Variants in MECOM observed in about 807,000 individuals in gnomAD.
The protein encoded by MECOM is histone-lysine N-methyltransferase MECOM.
Under a neutral mutation model 116.3 loss-of-function variants are expected in MECOM, and 13 were observed. That is an observed-to-expected ratio of 0.11 (90% CI 0.07 to 0.18). The LOEUF (loss-of-function observed/expected upper bound fraction) is 0.18. Ranked by LOEUF, MECOM falls within the 10% of genes least tolerant of loss-of-function variation. The pLI is 1.00. For synonymous variants in MECOM, 528 were observed against 535.2 expected (o/e 0.99, Z 0.19); for missense variants, 1,299 against 1,509.0 (o/e 0.86, Z 2.31).
chr3:169,130,316 T>A (rs1239038744), intron 4 of MECOM, among the ~76,000 whole-genome samples: 1 of 152,204 alleles, frequency 6.6e-6, no homozygotes, highest in Non-Finnish European at 1.5e-5. Flanking sequence ...TAAGAACTCC[T>A]TGCTGCCGAA....
intron 16 of MECOM, among the ~76,000 whole-genome samples, chr3:169,087,284 T>G (rs1718099353): frequency 6.6e-6 from 1 of 152,088 alleles, no homozygotes; most frequent in Admixed American, 6.6e-5. Context: ...GTGGACTAAT[T>G]AAAAGAAATT....
intron 2 of MECOM, among the ~76,000 whole-genome samples, chr3:169,176,472 T>C (rs1298405974): frequency 6.6e-6 from 1 of 152,134 alleles, no homozygotes; most frequent in African/African-American, 2.4e-5. Context: ...TAACTCAAGA[T>C]GGATTAGAGA....
chr3:169,658,138 G>T (rs1378723153), intron 1 of MECOM, among the ~76,000 whole-genome samples: 1 of 152,188 alleles, frequency 6.6e-6, no homozygotes, highest in Non-Finnish European at 1.5e-5. Flanking sequence ...CTAGTGGAGT[G>T]GGGAAGTCGG....
intron 2 of MECOM, among the ~76,000 whole-genome samples, chr3:169,239,124 C>T (rs1341904818): frequency 6.6e-6 from 1 of 151,960 alleles, no homozygotes; most frequent in Non-Finnish European, 1.5e-5. Context: ...ATCACAAAAC[C>T]CTAATTTTCT....
intron 1 of MECOM, among the ~76,000 whole-genome samples, chr3:169,570,100 A>C (rs1763699448): frequency 6.6e-6 from 1 of 152,204 alleles, no homozygotes; most frequent in Non-Finnish European, 1.5e-5. Flanking sequence ...CAGACTAATA[A>C]AGCAGAAAAG....
chr3:169,594,985 G>T (rs968959481), intron 1 of MECOM, among the ~76,000 whole-genome samples: 2 of 151,088 alleles, frequency 1.3e-5, no homozygotes, highest in African/African-American at 2.4e-5. Flanking sequence ...TAAGTGAATT[G>T]GTTGATTTAA....
intron 2 of MECOM, among the ~76,000 whole-genome samples, chr3:169,155,637 C>A (rs1406345235): frequency 6.6e-6 from 1 of 152,140 alleles, no homozygotes; most frequent in Admixed American, 6.6e-5. Context: ...CAATGGATCC[C>A]AATTTGCTAG....
chr3:169,426,431 C>A (rs73879067), intron 1 of MECOM, among the ~76,000 whole-genome samples: 3,551 of 152,224 alleles, frequency 0.023, 134 homozygotes, highest in African/African-American at 0.081. Flanking sequence ...GGAAAAGGAA[C>A]CTCTGATGCT....
At chr3:169,515,535 T>C (rs2109049035) in intron 1 of MECOM, among the ~76,000 whole-genome samples, 1 of 152,318 alleles carries the variant, frequency 6.6e-6, no homozygotes, top group African/African-American at 2.4e-5. Flanking sequence ...GAATTTTTTT[T>C]CACCATACCA....
intron 3 of MECOM, among the ~76,000 whole-genome samples, chr3:169,139,726 C>T (rs575217692): frequency 4.4e-4 from 67 of 152,124 alleles, no homozygotes; most frequent in African/African-American, 1.4e-3. Flanking sequence ...AACATGAGAA[C>T]TGGCCTTGTC....
chr3:169,425,539 C>T (rs1385852578), intron 1 of MECOM, among the ~76,000 whole-genome samples: 5 of 152,056 alleles, frequency 3.3e-5, no homozygotes, highest in Admixed American at 6.6e-5. Context: ...ATGAATTAGG[C>T]CCTGTACTAA....
intron 2 of MECOM, among the ~76,000 whole-genome samples, chr3:169,235,909 T>C (rs1179615054): frequency 6.6e-6 from 1 of 151,616 alleles, no homozygotes; most frequent in Non-Finnish European, 1.5e-5. Context: ...TTGACTTATA[T>C]GATTCAACTT....
At chr3:169,253,843 C>G (rs1201911811) in intron 2 of MECOM, among the ~76,000 whole-genome samples, 1 of 152,002 alleles carries the variant, frequency 6.6e-6, no homozygotes, top group Non-Finnish European at 1.5e-5. Flanking sequence ...CTTCTTTGTA[C>G]CCCAACTACA....
At chr3:169,413,382 T>C (rs901160781) in intron 1 of MECOM, among the ~76,000 whole-genome samples, 1 of 151,970 alleles carries the variant, frequency 6.6e-6, no homozygotes, top group African/African-American at 2.4e-5. Context: ...TTCCATCAGG[T>C]ACCTACACCA....
chr3:169,260,230 C>T (rs1016799376), intron 2 of MECOM, among the ~76,000 whole-genome samples: 1 of 152,102 alleles, frequency 6.6e-6, no homozygotes, highest in Non-Finnish European at 1.5e-5. Flanking sequence ...GCTAGACTTA[C>T]TCATCATATT....
At chr3:169,091,500 C>A (rs1719699089) in intron 14 of MECOM, among the ~76,000 whole-genome samples, 1 of 151,994 alleles carries the variant, frequency 6.6e-6, no homozygotes, top group South Asian at 2.1e-4. Context: ...GTGTTTTGTT[C>A]AACAGTTCTT....
chr3:169,629,433 T>A (rs1362092671), intron 1 of MECOM, among the ~76,000 whole-genome samples: 1 of 152,058 alleles, frequency 6.6e-6, no homozygotes, highest in Non-Finnish European at 1.5e-5. Context: ...CCTTCATAAA[T>A]GTAGAGCCAG....
intron 2 of MECOM, among the ~76,000 whole-genome samples, chr3:169,326,765 ATGTT>A (rs937804994): frequency 2.0e-5 from 3 of 152,202 alleles, no homozygotes; most frequent in African/African-American, 7.2e-5. Flanking sequence ...TTTCATGAAT[ATGTT>A]TGGGTGTGTA....
chr3:169,363,711 A>C (rs1577861143), intron 2 of MECOM, among the ~76,000 whole-genome samples: 1 of 151,940 alleles, frequency 6.6e-6, no homozygotes, highest in Admixed American at 6.6e-5. Context: ...AAAACTGTAT[A>C]AAGACCACAG....
Sources: gnomAD v4.1 joint callset for allele counts (sites outside exome capture counted in the v4.1 genomes callset) on GRCh38, gnomAD v4.1.1 for gene constraint, MANE v1.5 for transcripts, NCBI Gene and HGNC (gene_info 2026-07-23, HGNC 2026-07-21) for gene names.